The following ANKRD30A variants were observed in gnomAD, a reference collection of about 807,000 sequenced individuals.
ANKRD30A encodes the protein ankyrin repeat domain 30A.
A neutral mutation model predicts 166.3 loss-of-function variants in ANKRD30A; 170 were observed. The observed-to-expected ratio is 1.02, with a 90% CI of 0.90 to 1.16. ANKRD30A has a LOEUF of 1.16. Ranked by LOEUF, ANKRD30A falls within the 50% of genes most tolerant of loss-of-function variation. ANKRD30A has a pLI of 0.00. For synonymous variants in ANKRD30A, 564 were observed against 508.9 expected (o/e 1.11, Z -1.46); for missense variants, 1,630 against 1,518.0 (o/e 1.07, Z -1.23).
chr10:37,218,912 A>G (rs1842735043), intron 33 of ANKRD30A, 68 bp from the exon 34 acceptor site: 1 of 1,008,184 alleles, frequency 9.9e-7, no homozygotes, highest in African/African-American at 1.7e-5. Flanking sequence ...GTTATTCTTT[A>G]GTTTCAGAGG....
the ANKRD30A span, among the ~76,000 whole-genome samples, chr10:37,246,113 A>G: frequency 1.3e-5 from 2 of 152,236 alleles, no homozygotes; most frequent in Middle Eastern, 3.2e-3. Context: ...AGAAGTGTAC[A>G]AAGTGAGAAC....
chr10:37,167,616 T>C (rs992840355), intron 19 of ANKRD30A, among the ~76,000 whole-genome samples: 5 of 151,886 alleles, frequency 3.3e-5, no homozygotes, highest in African/African-American at 1.2e-4. Context: ...ATTGAAAGCT[T>C]ATTAAATTTG....
At chr10:37,150,339 CGTGTGTTCCTGTGTGTGTCTGT>C (rs1212002475) in intron 11 of ANKRD30A, among the ~76,000 whole-genome samples, 1 of 151,476 alleles carries the variant, frequency 6.6e-6, no homozygotes, top group African/African-American at 2.4e-5. Flanking sequence ...TGTGTGTCTG[CGTGTGTTCCTGTGTGTGTCTGT>C]TTATGTGTTT....
chr10:37,160,118 C>T (rs1838738666), intron 15 of ANKRD30A, among the ~76,000 whole-genome samples: 1 of 152,130 alleles, frequency 6.6e-6, no homozygotes, highest in Admixed American at 6.6e-5. Context: ...GATTTAAGGC[C>T]TCATAGTTTG....
In ANKRD30A at chr10:37,219,860, G is replaced by C; in HGVS notation, c.4148G>C (p.Arg1383Pro). ...IFNYNNHLKNRIYQYEKEKAE... is the reference protein window; with the variant it reads ...IFNYNNHLKNPIYQYEKEKAE... Reference sequence around the variant, plus strand: ...AATTACAATAACCATTTAAAAAACCGTATATATCAATATGAAAAAGAGAAA... The same window carrying C: ...AATTACAATAACCATTTAAAAAACCCTATATATCAATATGAAAAAGAGAAA... Residue 1383 changes from arginine (R) to proline (P), a missense_variant, in exon 34 of 36, where the codon CGT becomes CCT. Physicochemically the swap from Arg to Pro is moderately radical, Grantham distance 103 (BLOSUM62 -2). Around this residue, in one of 4 missense-constraint regions of ANKRD30A, gnomAD observed 712 missense variants for 629.3 expected, o/e 1.13. Transcript: ENST00000361713. 1 of 1,547,796 alleles carries C rather than the reference G, an allele frequency of 6.5e-7. No individual in the cohort carries two copies. Among genetic ancestry groups the C allele is most frequent in the Non-Finnish European group, 8.7e-7 (1 of 1,147,198 alleles).
At chr10:37,161,470 T>A (rs1767325) in intron 15 of ANKRD30A, among the ~76,000 whole-genome samples, 2 of 152,100 alleles carry the variant, frequency 1.3e-5, no homozygotes, top group African/African-American at 4.8e-5. Context: ...ATTTTTTATT[T>A]ATTTATTTTT....
At chr10:37,228,607 TCCCTGTCTTACTGATTTCCTAA>T (rs1843269244) in intron 34 of ANKRD30A, among the ~76,000 whole-genome samples, 1 of 151,958 alleles carries the variant, frequency 6.6e-6, no homozygotes, top group Non-Finnish European at 1.5e-5. Flanking sequence ...CCTCTTTGCT[TCCCTGTCTTACTGATTTCCTAA>T]CTTGAGGGGA....
chr10:37,226,844 A>T (rs1843179289), intron 34 of ANKRD30A, among the ~76,000 whole-genome samples: 1 of 151,870 alleles, frequency 6.6e-6, no homozygotes, highest in African/African-American at 2.4e-5. Context: ...TTTTACCAGG[A>T]AAGATTCCAT....
chr10:37,244,312 T>C, the ANKRD30A span, among the ~76,000 whole-genome samples: 2 of 152,106 alleles, frequency 1.3e-5, no homozygotes, highest in Non-Finnish European at 2.9e-5. Context: ...CACACACACA[T>C]CCACTGTTAG....
intron 29 of ANKRD30A, among the ~76,000 whole-genome samples, chr10:37,198,009 C>G (rs1841293357): frequency 6.6e-6 from 1 of 151,776 alleles, no homozygotes; most frequent in South Asian, 2.1e-4. Flanking sequence ...TGTGTGGTAA[C>G]TTTACCTTGT....
At chr10:37,145,205 G>A (rs1251028171) in intron 8 of ANKRD30A, 149 bp downstream of exon 8, 12 of 598,440 alleles carry the variant, frequency 2.0e-5, no homozygotes, top group South Asian at 5.5e-5. Flanking sequence ...GGCTGGGCAC[G>A]GTGACTCATG....
At position 37,197,487 on chromosome 10, in the gene ANKRD30A, T is replaced by C. The variant is rs922546215; in HGVS notation, c.2716+7T>C. On this transcript the variant is annotated splice_region_variant and intron_variant, in intron 29 of 35. Coordinates refer to ENST00000361713, the MANE Select transcript of ANKRD30A (RefSeq NM_052997.3). ...GAACAAACATTGAGAGCAGGTACAT[T>C]TTTCAATGTAACTATGCGAAGACCA... 3.1e-6 allele frequency: 5 copies of C among 1,612,034 alleles called. No individual in the cohort carries two copies. The African/African-American group carries it at 6.7e-5, about 22-fold the overall frequency.
intron 31 of ANKRD30A, among the ~76,000 whole-genome samples, chr10:37,213,703 T>G (rs184448699): frequency 6.6e-6 from 1 of 151,764 alleles, no homozygotes; most frequent in East Asian, 1.9e-4. Context: ...TGTTTTCATT[T>G]GAAATTAGTT....
At position 37,192,037 on chromosome 10, in the gene ANKRD30A, C is replaced by T. The variant is rs140690596; in HGVS notation, c.2513-1027C>T. 3.4e-3 allele frequency among the ~76,000 whole-genome samples: 510 copies of T among 152,048 alleles called. 6 individuals carry two copies. Among genetic ancestry groups the T allele is most frequent in the Middle Eastern group, 0.02 (6 of 294 alleles). ...TCTAGTTTTTGATACTTTCACATTACATGTTTTTTCTTTTTTAGAGACAGA... is the reference window on the plus strand; with the variant it reads ...TCTAGTTTTTGATACTTTCACATTATATGTTTTTTCTTTTTTAGAGACAGA... On this transcript the variant is annotated intron_variant, in intron 25 of 35. Coordinates refer to ENST00000361713, the MANE Select transcript of ANKRD30A (RefSeq NM_052997.3).
intron 8 of ANKRD30A, 36 bp downstream of exon 8, chr10:37,145,092 T>C (rs1837403389): frequency 3.4e-6 from 5 of 1,464,946 alleles, no homozygotes; most frequent in Non-Finnish European, 4.7e-6. Context: ...TCTAAAAATA[T>C]TAATATTGAG....
At chr10:37,213,599 T>C (rs538847941) in intron 31 of ANKRD30A, among the ~76,000 whole-genome samples, 62 of 150,906 alleles carry the variant, frequency 4.1e-4, no homozygotes, top group African/African-American at 1.4e-3. Flanking sequence ...AAGTCAAAGT[T>C]ATTTATTTGA....
Position 37,132,277 on chromosome 10 carries a change from G to C in ANKRD30A, c.548G>C (p.Arg183Thr). Residue 183 changes from arginine to threonine, a missense_variant, in exon 4 of 36, where the codon AGA (arginine) becomes ACA (threonine). By Grantham distance (71) the Arg-to-Thr change is moderately conservative. Coordinates refer to ENST00000361713, the MANE Select transcript of ANKRD30A (RefSeq NM_052997.3). ...LTPLLLSITK[R>T]SEQIVEFLLI... ...CCACTTTTACTATCCATAACGAAAAGAAGTGAGCAAATTGTGGAATTTTTG... is the reference window on the plus strand; with the variant it reads ...CCACTTTTACTATCCATAACGAAAACAAGTGAGCAAATTGTGGAATTTTTG... 1 of 1,606,364 alleles carries C rather than the reference G, an allele frequency of 6.2e-7. No homozygotes were observed. The highest frequency in any genetic ancestry group is 8.5e-7 in the Non-Finnish European group (1 of 1,176,692).
chr10:37,201,996 G>T (rs1841655059), intron 31 of ANKRD30A, among the ~76,000 whole-genome samples: 1 of 152,066 alleles, frequency 6.6e-6, no homozygotes, highest in African/African-American at 2.4e-5. Context: ...TGATTCAGCT[G>T]ACTTGGGATT....
chr10:37,161,262 A>T (rs1838840112), intron 15 of ANKRD30A, among the ~76,000 whole-genome samples: 1 of 152,190 alleles, frequency 6.6e-6, no homozygotes, highest in Non-Finnish European at 1.5e-5. Context: ...TAACATGGTC[A>T]GGAGAATGCA....
Sources: allele counts gnomAD v4.1 joint callset (sites outside exome capture counted in the v4.1 genomes callset), GRCh38; gene constraint gnomAD v4.1.1; regional missense constraint gnomAD v4.1.1; transcripts MANE v1.5; gene names NCBI Gene and HGNC (gene_info 2026-07-23, HGNC 2026-07-21).